Variants in LRRC7 observed in about 807,000 individuals in gnomAD.
LRRC7 encodes the protein leucine-rich repeat-containing protein 7.
In LRRC7, 23 loss-of-function variants were observed where a neutral mutation model predicts 175.7. The observed-to-expected ratio is 0.13, with a 90% CI of 0.09 to 0.19. The LOEUF (loss-of-function observed/expected upper bound fraction) is 0.19. Ranked by LOEUF, LRRC7 falls within the 10% of genes least tolerant of loss-of-function variation. The probability of loss-of-function intolerance (pLI) is 1.00; values close to 1 mark genes in which losing one functional copy is unlikely to be tolerated. For missense variants in LRRC7, 1,354 were observed against 1,904.7 expected (o/e 0.71, Z 5.38); for synonymous variants, 685 against 680.9 (o/e 1.01, Z -0.09).
chr1:69,624,872 G>A (rs1651221792), intron 1 of LRRC7, among the ~76,000 whole-genome samples: 1 of 151,948 alleles, frequency 6.6e-6, no homozygotes. Context: ...CAGTCCTTAA[G>A]CCATTACCAT....
At chr1:69,928,595 G>A (rs923436579) in intron 7 of LRRC7, among the ~76,000 whole-genome samples, 6 of 152,220 alleles carry the variant, frequency 3.9e-5, no homozygotes, top group South Asian at 4.1e-4. Context: ...CTCCGTGGGC[G>A]TAGGACCCTC....
In LRRC7 at chr1:69,901,459, T is replaced by C. The variant is rs952894127; in HGVS notation, c.648-30048T>C. Among the ~76,000 whole-genome samples, 18 of 151,968 alleles carry C rather than the reference T, an allele frequency of 1.2e-4. No homozygotes were observed. In the South Asian group the frequency reaches 3.5e-3, roughly 30 times the overall value. On this transcript the variant is annotated intron_variant, in intron 7 of 26. Transcript: ENST00000651989. Reference sequence around the variant, plus strand: ...TCATTTGAACTCCTCCCTTTTCTTATGGGGAAGTGGGCTTCCTCATCTAGT... The same window carrying C: ...TCATTTGAACTCCTCCCTTTTCTTACGGGGAAGTGGGCTTCCTCATCTAGT...
chr1:69,907,382 A>G (rs900343387), intron 7 of LRRC7, among the ~76,000 whole-genome samples: 8 of 152,122 alleles, frequency 5.3e-5, no homozygotes, highest in Admixed American at 4.6e-4. Context: ...ATTCAGTATG[A>G]TATTGGCTGT....
intron 8 of LRRC7, among the ~76,000 whole-genome samples, chr1:69,952,595 T>G (rs532177020): frequency 6.6e-6 from 1 of 152,238 alleles, no homozygotes; most frequent in African/African-American, 2.4e-5. Context: ...CATTTTTGTC[T>G]TATGTTAATA....
intron 2 of LRRC7, among the ~76,000 whole-genome samples, chr1:69,754,079 T>C (rs181854357): frequency 1.5e-3 from 223 of 152,014 alleles, no homozygotes; most frequent in African/African-American, 4.6e-3. Flanking sequence ...GGTTGTGCAA[T>C]GGGGCTGGGT....
intron 8 of LRRC7, among the ~76,000 whole-genome samples, chr1:69,941,506 G>T (rs1425277485): frequency 2.0e-5 from 3 of 151,844 alleles, no homozygotes; most frequent in Admixed American, 2.0e-4. Flanking sequence ...AATGGAGGTG[G>T]TAAGAAACCA....
intron 1 of LRRC7, among the ~76,000 whole-genome samples, chr1:69,639,237 C>G (rs1209355564): frequency 6.6e-6 from 1 of 151,704 alleles, no homozygotes; most frequent in Admixed American, 6.6e-5. Flanking sequence ...TTAAAGGCTA[C>G]CCAATGATCT....
chr1:69,660,255 T>A (rs1026851536), intron 1 of LRRC7, among the ~76,000 whole-genome samples: 3 of 152,086 alleles, frequency 2.0e-5, no homozygotes, highest in African/African-American at 7.2e-5. Context: ...ATATTATAAC[T>A]TCTGTATACT....
chr1:69,988,563 A>G (rs77403296), intron 10 of LRRC7, among the ~76,000 whole-genome samples: 9,427 of 152,282 alleles, frequency 0.062, 282 homozygotes, highest in South Asian at 0.11. Flanking sequence ...TTACCGTGAA[A>G]TAAGAAATAG....
At chr1:69,705,965 G>T (rs543431057) in intron 2 of LRRC7, among the ~76,000 whole-genome samples, 1 of 152,128 alleles carries the variant, frequency 6.6e-6, no homozygotes, top group Admixed American at 6.6e-5. Flanking sequence ...AAAAATAAAT[G>T]GTCATATCAT....
At chr1:69,637,337 C>A (rs1467259475) in intron 1 of LRRC7, among the ~76,000 whole-genome samples, 1 of 151,846 alleles carries the variant, frequency 6.6e-6, no homozygotes, top group African/African-American at 2.4e-5. Context: ...GTATTATTGT[C>A]TTTACATATT....
At chr1:69,866,713 C>T (rs1420589629) in intron 7 of LRRC7, among the ~76,000 whole-genome samples, 2 of 128,452 alleles carry the variant, frequency 1.6e-5, no homozygotes, top group Non-Finnish European at 3.7e-5. Flanking sequence ...CAATTAGACT[C>T]AAAATTAATT....
At chr1:69,690,201 T>G (rs1226040518) in intron 2 of LRRC7, among the ~76,000 whole-genome samples, 1 of 152,212 alleles carries the variant, frequency 6.6e-6, no homozygotes, top group East Asian at 1.9e-4. Context: ...TTGCCACTTA[T>G]TTTCCTAGCA....
chr1:69,891,304 G>A (rs1645825516), intron 7 of LRRC7, among the ~76,000 whole-genome samples: 1 of 152,226 alleles, frequency 6.6e-6, no homozygotes, highest in African/African-American at 2.4e-5. Context: ...GAGATCCCAA[G>A]GAGAGGGAGA....
In LRRC7 at chr1:69,878,276, G is replaced by GAAAA. The variant is rs369453827; in HGVS notation, c.647+40005_647+40008dup. Among the ~76,000 whole-genome samples the GAAAA allele has an allele frequency of 6.1e-4, 75 of 123,900 alleles. 1 individual carries two copies. Among genetic ancestry groups the GAAAA allele is most frequent in the African/African-American group, 1.7e-3 (50 of 29,644 alleles). 81.3% of individuals were successfully genotyped at this position (123,900 alleles called of 152,430 possible). ...ACTTCTCCAAAGAATCCTTATCTTA[G>GAAAA]AAAAAAAAAAAAAAACAAGAATGCT... On this transcript the variant is annotated intron_variant, in intron 7 of 26. Coordinates refer to ENST00000651989, the MANE Select transcript of LRRC7 (RefSeq NM_001370785.2).
chr1:69,673,121 G>A (rs1488306927), intron 1 of LRRC7, among the ~76,000 whole-genome samples: 4 of 152,068 alleles, frequency 2.6e-5, no homozygotes, highest in African/African-American at 9.7e-5. Flanking sequence ...ATCTAAACAA[G>A]TGTACACAGC....
intron 7 of LRRC7, among the ~76,000 whole-genome samples, chr1:69,894,979 C>A (rs771870777): frequency 1.3e-5 from 2 of 152,196 alleles, no homozygotes; most frequent in Admixed American, 6.5e-5. Flanking sequence ...GTAATCCCAG[C>A]ACTTTGGGAG....
At chr1:69,691,817 A>G (rs997640128) in intron 2 of LRRC7, among the ~76,000 whole-genome samples, 78 of 121,788 alleles carry the variant, frequency 6.4e-4, no homozygotes, top group South Asian at 9.2e-4. Flanking sequence ...AAAAAAAAAA[A>G]AAAAGAAAAG....
At position 69,906,934 on chromosome 1, in the gene LRRC7, A is replaced by C. The variant is rs937636515; in HGVS notation, c.648-24573A>C. Among the ~76,000 whole-genome samples, 95 of 151,706 alleles carry C rather than the reference A, an allele frequency of 6.3e-4. 2 individuals carry two copies. Among genetic ancestry groups the C allele is most frequent in the African/African-American group, 1.7e-3 (69 of 41,390 alleles). On this transcript the variant is annotated intron_variant, in intron 7 of 26. Coordinates refer to ENST00000651989, the MANE Select transcript of LRRC7 (RefSeq NM_001370785.2). Reference sequence around the variant, plus strand: ...ATTTGTTTGTATCCTCTTTTATTTCATTGAGCAGTGGTTTGTAGTTCTCCT... The same window carrying C: ...ATTTGTTTGTATCCTCTTTTATTTCCTTGAGCAGTGGTTTGTAGTTCTCCT...
Sources: allele counts gnomAD v4.1 joint callset (sites outside exome capture counted in the v4.1 genomes callset), GRCh38; gene constraint gnomAD v4.1.1; transcripts MANE v1.5; gene names NCBI Gene and HGNC (gene_info 2026-07-23, HGNC 2026-07-21).